Variants in GCNA observed in about 807,000 individuals in gnomAD.
GCNA encodes germ cell nuclear acidic peptidase.
Under a neutral mutation model 38.8 loss-of-function variants are expected in GCNA, and 3 were observed. That is an observed-to-expected ratio of 0.08 (90% CI 0.04 to 0.20). GCNA has a LOEUF of 0.20. GCNA is among the 10% of genes least tolerant of loss of function. The pLI is 1.00. For missense variants in GCNA, 446 were observed against 578.6 expected, an observed-to-expected ratio of 0.77 and a Z score of 2.35; for synonymous variants, 195 against 240.2, an observed-to-expected ratio of 0.81 and a Z score of 1.74.
At chrX:71,597,891 A>T (rs989742150) in intron 6 of GCNA, 59 bp from the exon 7 acceptor site, 3 of 941,610 alleles carry the variant, frequency 3.2e-6, no homozygotes. Flanking sequence ...AAATGCCATG[A>T]AAAAGAAGAC....
At chrX:71,584,449 C>T (rs1020364524) in intron 2 of GCNA, among the ~76,000 whole-genome samples, 2 of 111,043 alleles carry the variant, frequency 1.8e-5, no homozygotes, top group African/African-American at 6.5e-5. Flanking sequence ...GTGGTTTCGC[C>T]GCCAAGTTGC....
chrX:71,613,100 T>C lies in GCNA; in HGVS notation c.*118T>C, dbSNP rs1362018336. 2 of 981,081 alleles carry C rather than the reference T, an allele frequency of 2.0e-6. No individual in the cohort carries two copies. Among genetic ancestry groups the C allele is most frequent in the Non-Finnish European group, 2.8e-6 (2 of 710,890 alleles). The allele number at this position is 981,081 out of a possible 1,213,427, so 80.9% of individuals were successfully genotyped here. A position where few individuals can be genotyped will look rare whatever the true frequency, so the allele number is the denominator to read the frequency against. ...GAATTACAAGGCAATGAAGAATTCTTAAGGTTATCTTAGAGTATATTAATG... is the reference window on the plus strand; with the variant it reads ...GAATTACAAGGCAATGAAGAATTCTCAAGGTTATCTTAGAGTATATTAATG... On this transcript the variant is annotated 3_prime_UTR_variant, in exon 13 of 13. Coordinates refer to ENST00000373696, the MANE Select transcript of GCNA (RefSeq NM_052957.5).
chrX:71,594,402 G>T (rs2040654593), intron 5 of GCNA, 25 bp downstream of exon 5: 1 of 1,162,819 alleles, frequency 8.6e-7, no homozygotes, highest in Admixed American at 2.3e-5. Context: ...CTCAAAGCAG[G>T]AACATTTTGA....
chrX:71,589,521 G>A (rs1472455429), intron 2 of GCNA, among the ~76,000 whole-genome samples: 2 of 94,271 alleles, frequency 2.1e-5, no homozygotes, highest in Admixed American at 2.5e-4. Flanking sequence ...GCTGGAGTGC[G>A]GTGGTGCAAT....
Position 71,613,191 on chromosome X carries a change from A to C in GCNA, c.*209A>C. ...TGTTTTGTGAAGTTAGGAATATTAG[A>C]ATTTAGGTACTGTTAAGTAAGTAAT... On this transcript the variant is annotated 3_prime_UTR_variant, in exon 13 of 13. Transcript: ENST00000373696. 2.3e-6 allele frequency: 1 copy of C among 434,492 alleles called. No individual in the cohort carries two copies. Among genetic ancestry groups the C allele is most frequent in the Non-Finnish European group, 3.8e-6 (1 of 264,264 alleles). The allele number at this position is 434,492 out of a possible 1,213,427, so 35.8% of individuals were successfully genotyped here. A position where few individuals can be genotyped will look rare whatever the true frequency, so the allele number is the denominator to read the frequency against.
chrX:71,597,893 A>C, intron 6 of GCNA, 57 bp from the exon 7 acceptor site: 1 of 952,492 alleles, frequency 1.0e-6, no homozygotes, highest in African/African-American at 1.9e-5. Context: ...ATGCCATGAA[A>C]AAGAAGACTG....
chrX:71,586,126 C>G (rs763051898), intron 2 of GCNA, among the ~76,000 whole-genome samples: 1 of 105,547 alleles, frequency 9.5e-6, no homozygotes, highest in East Asian at 3.0e-4. Context: ...CACAATAGCC[C>G]TATGAAATAA....
At chrX:71,597,914 A>G in intron 6 of GCNA, 36 bp from the exon 7 acceptor site, 1 of 1,060,635 alleles carries the variant, frequency 9.4e-7, no homozygotes, top group Non-Finnish European at 1.3e-6. Flanking sequence ...TTGCGTTCAT[A>G]CTTCTCTCTT....
chrX:71,596,128 A>C (rs1236679909), intron 6 of GCNA, among the ~76,000 whole-genome samples: 1 of 111,827 alleles, frequency 8.9e-6, no homozygotes, highest in African/African-American at 3.3e-5. Flanking sequence ...AGGCACGAGA[A>C]TCACTGGAAC....
At chrX:71,612,645 C>A in intron 12 of GCNA, 86 bp downstream of exon 12, 1 of 942,491 alleles carries the variant, frequency 1.1e-6, no homozygotes, top group Non-Finnish European at 1.5e-6. Context: ...AGATGGCTGT[C>A]TGAACTGAAG....
At chrX:71,602,650 T>C (rs779512116) in intron 7 of GCNA, among the ~76,000 whole-genome samples, 3 of 111,970 alleles carry the variant, frequency 2.7e-5, no homozygotes, top group Non-Finnish European at 5.6e-5. Context: ...TATAGAGTTG[T>C]TTGACCTCCG....
intron 4 of GCNA, among the ~76,000 whole-genome samples, chrX:71,594,086 A>G (rs2040651430): frequency 8.9e-6 from 1 of 112,142 alleles, no homozygotes; most frequent in Non-Finnish European, 1.9e-5. Context: ...AGCTAATGAT[A>G]CTCAGCTAAC....
chrX:71,595,726 T>C (rs1012399377), intron 6 of GCNA, among the ~76,000 whole-genome samples: 1 of 112,149 alleles, frequency 8.9e-6, no homozygotes, highest in Non-Finnish European at 1.9e-5. Flanking sequence ...TGGTGCTACA[T>C]AACTGTTTTC....
chrX:71,590,856 T>C (rs921572911), intron 2 of GCNA, among the ~76,000 whole-genome samples: 1 of 110,184 alleles, frequency 9.1e-6, no homozygotes, highest in Non-Finnish European at 1.9e-5. Context: ...CTAATTTTTG[T>C]ATTTTCAGTA....
intron 7 of GCNA, among the ~76,000 whole-genome samples, chrX:71,601,827 C>T (rs1017916609): frequency 5.4e-5 from 6 of 112,080 alleles, no homozygotes; most frequent in Non-Finnish European, 1.1e-4. Context: ...ATTACAGGCG[C>T]GAGCCACCGT....
intron 2 of GCNA, among the ~76,000 whole-genome samples, chrX:71,586,572 G>C (rs2040587048): frequency 1.8e-5 from 2 of 111,484 alleles, no homozygotes. Context: ...AGGATTGAGG[G>C]AGAAAATAGA....
Position 71,580,897 on chromosome X carries a change from T to C in GCNA, c.59+17T>C, listed in dbSNP as rs778502805. The stretch of plus-strand genomic sequence containing the variant: ...CGAGGATTGGTGAGATTTAGAAAGT[T>C]CTGTTTTCTTTTAGTTTAGTGTTAC... On this transcript the variant is annotated intron_variant, in intron 2 of 12. Transcript: ENST00000373696. 8.4e-7 allele frequency: 1 copy of C among 1,184,051 alleles called. No homozygotes were observed. The highest frequency in any genetic ancestry group is 1.9e-5 in the South Asian group (1 of 53,646).
At chrX:71,579,360 G>T (rs1471154231) in intron 1 of GCNA, among the ~76,000 whole-genome samples, 6 of 96,083 alleles carry the variant, frequency 6.2e-5, no homozygotes, top group African/African-American at 2.3e-4. Context: ...GTGGGGAGAA[G>T]TGGAGGCGCC....
chrX:71,610,866 G>T, intron 11 of GCNA, 47 bp downstream of exon 11: 1 of 1,200,561 alleles, frequency 8.3e-7, no homozygotes, highest in South Asian at 1.8e-5. Context: ...CTTTCCTTCT[G>T]ACACCGTGCC....
Sources: allele counts gnomAD v4.1 joint callset (sites outside exome capture counted in the v4.1 genomes callset), GRCh38; gene constraint gnomAD v4.1.1; transcripts MANE v1.5; gene names NCBI Gene and HGNC (gene_info 2026-07-23, HGNC 2026-07-21).